ZNF318: variants seen among roughly 807,000 people sequenced by gnomAD.
ZNF318 encodes the protein zinc finger protein 318, also known as endocrine regulator.
In ZNF318, 51 loss-of-function variants were observed where a neutral mutation model predicts 124.2. The observed-to-expected ratio is 0.41, with a 90% CI of 0.33 to 0.52. The LOEUF (loss-of-function observed/expected upper bound fraction) is 0.52, where lower values mean the gene tolerates loss of function less well. ZNF318 is among the 20% of genes least tolerant of loss of function. ZNF318 has a pLI of 0.23. For synonymous variants in ZNF318, 1,090 were observed against 1,040.7 expected, an observed-to-expected ratio of 1.05 and a Z score of -0.91; for missense variants, 2,815 against 2,811.2, an observed-to-expected ratio of 1.00 and a Z score of -0.03.
Position 43,355,991 on chromosome 6 carries a change from C to T in ZNF318, c.1343G>A (p.Gly448Asp), listed in dbSNP as rs1302607441. The T allele has an allele frequency of 6.2e-7, 1 of 1,614,044 alleles. No individual in the cohort carries two copies. Among genetic ancestry groups the T allele is most frequent in the Non-Finnish European group, 8.5e-7 (1 of 1,180,034 alleles). The change falls in exon 4 of 10, where the codon GGC becomes GAC. Residue 448 changes from glycine to aspartate, a missense_variant. Coordinates refer to ENST00000361428, the MANE Select transcript of ZNF318 (RefSeq NM_014345.3). ...AAGGGGACCCCATTGGTAGAGGTTGCCCTGAGGTTCCTTCAAGGCAGTCTC... is the reference window on the plus strand; with the variant it reads ...AAGGGGACCCCATTGGTAGAGGTTGTCCTGAGGTTCCTTCAAGGCAGTCTC... ...MVETALKEPQ[G>D]NLYQWGPLPG...
rs747829748 is a variant in ZNF318 at position 43,337,798 on chromosome 6, G to T, written c.6200C>A (p.Ser2067Tyr). ...SDPADFEPIP[S>Y]FSGFPLDSPK... The stretch of plus-strand genomic sequence containing the variant: ...AGAATCTAACGGAAACCCAGAAAAA[G>T]ATGGGATTGGTTCGAAGTCAGCGGG... Residue 2067 changes from serine (S) to tyrosine (Y), a missense_variant, in exon 10 of 10, where the codon TCT (serine) becomes TAT (tyrosine). By Grantham distance (144) the Ser-to-Tyr change is moderately radical. This residue lies in a region of ZNF318 where 927 missense variants were observed against 820.6 expected (regional missense o/e 1.13). Coordinates refer to ENST00000361428, the MANE Select transcript of ZNF318 (RefSeq NM_014345.3). 1.2e-6 allele frequency: 2 copies of T among 1,614,216 alleles called. No homozygotes were observed. Among genetic ancestry groups the T allele is most frequent in the Non-Finnish European group, 1.7e-6 (2 of 1,180,040 alleles).
At chr6:43,342,953 G>T (rs928482072) in intron 6 of ZNF318, 74 bp from the exon 7 acceptor site, 46 of 1,273,274 alleles carry the variant, frequency 3.6e-5, no homozygotes, top group Admixed American at 1.2e-4. Flanking sequence ...AATAGTAAGT[G>T]GCCATAATAA....
chr6:43,338,094 G>A lies in ZNF318; in HGVS notation c.5904C>T (p.Thr1968=). 6.2e-7 allele frequency: 1 copy of A among 1,613,996 alleles called. No individual in the cohort carries two copies. Among genetic ancestry groups the A allele is most frequent in the South Asian group, 1.1e-5 (1 of 91,064 alleles). The change falls in exon 10 of 10, where the codon ACC becomes ACT. Residue 1968 remains threonine, a synonymous_variant. Transcript: ENST00000361428. ...VWDENKKRPE[T]WESPEKPKTE... ...TTTTTGGTTTCTCTGGGCTCTCCCA[G>A]GTCTCTGGCCTCTTCTTGTTTTCAT...
chr6:43,366,599 C>A (rs1334135632), intron 1 of ZNF318, among the ~76,000 whole-genome samples: 3 of 152,082 alleles, frequency 2.0e-5, no homozygotes, highest in East Asian at 3.9e-4. Flanking sequence ...GAGTTTGAGA[C>A]CAGCCTGGGC....
In ZNF318 at chr6:43,337,839, C is replaced by A. The variant is rs374004520; in HGVS notation, c.6159G>T (p.Gly2053=). 1 of 1,614,196 alleles carries A rather than the reference C, an allele frequency of 6.2e-7. No homozygotes were observed. Among genetic ancestry groups the A allele is most frequent in the Non-Finnish European group, 8.5e-7 (1 of 1,180,034 alleles). ...VCEENSVSPI[G]CNSSDPADFE... ...AGTCAGCGGGATCGGAGGAATTACA[C>A]CCTATAGGTGATACAGAATTTTCTT... The change falls in exon 10 of 10, where the codon GGG becomes GGT. Residue 2053 remains glycine (G), a synonymous_variant. Transcript: ENST00000361428.
In ZNF318 at chr6:43,364,120, C is replaced by T. The variant is rs1347305918; in HGVS notation, c.548+1172G>A. On this transcript the variant is annotated intron_variant, in intron 2 of 9. Transcript: ENST00000361428. Reference sequence around the variant, plus strand: ...GCTGCACTGCCACCCTGGGCAACTTCGCCAAGGCCACCTTTGATGCCATCT... The same window carrying T: ...GCTGCACTGCCACCCTGGGCAACTTTGCCAAGGCCACCTTTGATGCCATCT... 11 of 1,091,354 alleles carry T rather than the reference C, an allele frequency of 1.0e-5. No individual in the cohort carries two copies. In the Admixed American group the frequency reaches 1.1e-4, roughly 11 times the overall value. The allele number at this position is 1,091,354 out of a possible 1,614,324, so 67.6% of individuals were successfully genotyped here.
chr6:43,345,480 A>C (rs1779427365), intron 6 of ZNF318, among the ~76,000 whole-genome samples: 1 of 152,224 alleles, frequency 6.6e-6, no homozygotes, highest in South Asian at 2.1e-4. Context: ...CGTTAGTTTC[A>C]GAGACCATGA....
At chr6:43,358,500 G>C (rs144820568) in intron 2 of ZNF318, among the ~76,000 whole-genome samples, 57 of 147,714 alleles carry the variant, frequency 3.9e-4, no homozygotes, top group African/African-American at 1.2e-3. Flanking sequence ...CTGACCTAGT[G>C]ATCAGCCCGC....
Position 43,369,088 on chromosome 6 carries a change from G to A in ZNF318, c.278C>T (p.Pro93Leu), listed in dbSNP as rs1308613915. Residue 93 changes from proline (P) to leucine (L), a missense_variant, in exon 1 of 10, where the codon CCG becomes CTG. Around this residue, in one of 4 missense-constraint regions of ZNF318, gnomAD observed 1,377 missense variants for 1,353.5 expected, o/e 1.02. Transcript: ENST00000361428. ...CGGCGGGAAGAGTCGTCGGCCCCGC[G>A]GTGGCGACGGGGAGCCGCGACGGGC... ...PRARRGSPSP[P>L]RGRRLFPPGP... The A allele has an allele frequency of 7.9e-7, 1 of 1,267,820 alleles. No individual in the cohort carries two copies. The highest frequency in any genetic ancestry group is 1.5e-5 in the African/African-American group (1 of 64,774). 78.5% of individuals were successfully genotyped at this position (1,267,820 alleles called of 1,614,324 possible).
intron 6 of ZNF318, among the ~76,000 whole-genome samples, chr6:43,347,851 G>A (rs1464390629): frequency 1.3e-5 from 2 of 152,172 alleles, no homozygotes; most frequent in African/African-American, 4.8e-5. Flanking sequence ...CTAAGCAGGA[G>A]CATCCAATGT....
At chr6:43,340,720 G>A (rs1779363709) in intron 9 of ZNF318, 70 bp downstream of exon 9, 12 of 1,530,270 alleles carry the variant, frequency 7.8e-6, no homozygotes, top group Non-Finnish European at 1.1e-5. Context: ...TGGCTCGGAC[G>A]CCATTTGACA....
chr6:43,338,837 G>C lies in ZNF318; in HGVS notation c.5161C>G (p.Leu1721Val). The change falls in exon 10 of 10, where the codon CTG (leucine) becomes GTG (valine). Residue 1721 changes from leucine (L) to valine (V), a missense_variant. Physicochemically the swap from Leu to Val is conservative, Grantham distance 32. Around this residue, in one of 4 missense-constraint regions of ZNF318, gnomAD observed 927 missense variants for 820.6 expected, o/e 1.13. Transcript: ENST00000361428. The stretch of plus-strand genomic sequence containing the variant: ...ACACCAGGTGGTCCTGGCTCTCCCA[G>C]GTCAAGCTCACTCTTCTCTGGAGAT... ...DISPEKSELD[L>V]GEPGPPGVEP... The C allele has an allele frequency of 4.3e-6, 7 of 1,614,138 alleles. No individual in the cohort carries two copies. The highest frequency in any genetic ancestry group is 5.9e-6 in the Non-Finnish European group (7 of 1,180,030).
At position 43,369,297 on chromosome 6, in the gene ZNF318, C is replaced by T. The variant is rs1779805547; in HGVS notation, c.69G>A (p.Pro23=). 1.5e-6 allele frequency: 2 copies of T among 1,340,676 alleles called. No individual in the cohort carries two copies. The highest frequency in any genetic ancestry group is 1.9e-6 in the Non-Finnish European group (2 of 1,039,342). 83.0% of individuals were successfully genotyped at this position (1,340,676 alleles called of 1,614,324 possible). The part of the protein sequence containing the change: ...HRPKDDGGGG[P]RSGRSSGSSS... ...AGGAGCCAGAGCTGCGGCCGCTGCG[C>T]GGGCCGCCCCCGCCGTCGTCTTTAG... Residue 23 remains proline (P), a synonymous_variant, in exon 1 of 10, where the codon CCG becomes CCA. Coordinates refer to ENST00000361428, the MANE Select transcript of ZNF318 (RefSeq NM_014345.3).
rs1011678103 is a variant in ZNF318, at chr6:43,355,825, A to G, written c.1509T>C (p.Asp503=). ...TCAGAATGCGGGAAAAACCACTGCCATCCTGGCTAGCTCTCTCATGGGGCA... is the reference window on the plus strand; with the variant it reads ...TCAGAATGCGGGAAAAACCACTGCCGTCCTGGCTAGCTCTCTCATGGGGCA... ...FLLPHERASQ[D]GSGFSRILSM... is the part of the protein sequence containing the mutation. Residue 503 remains aspartate, a synonymous_variant, in exon 4 of 10, where the codon GAT becomes GAC. Coordinates refer to ENST00000361428, the MANE Select transcript of ZNF318 (RefSeq NM_014345.3). 10 of 1,614,122 alleles carry G rather than the reference A, an allele frequency of 6.2e-6. No individual in the cohort carries two copies. The Admixed American group carries it at 6.7e-5, about 11-fold the overall frequency.
intron 2 of ZNF318, among the ~76,000 whole-genome samples, chr6:43,360,052 G>T (rs1779660395): frequency 6.6e-6 from 1 of 152,132 alleles, no homozygotes; most frequent in Non-Finnish European, 1.5e-5. Context: ...GACCATATTA[G>T]TATAGGGAGA....
chr6:43,359,449 A>ATTT (rs1779652766), intron 2 of ZNF318, among the ~76,000 whole-genome samples: 1 of 152,240 alleles, frequency 6.6e-6, no homozygotes, highest in South Asian at 2.1e-4. Context: ...AGATAGAAAT[A>ATTT]AAGATCCTCT....
At chr6:43,348,224 G>GT (rs1243975225) in intron 6 of ZNF318, 100 bp downstream of exon 6, 4 of 1,179,434 alleles carry the variant, frequency 3.4e-6, no homozygotes, top group African/African-American at 3.1e-5. Flanking sequence ...ATTAACAAGA[G>GT]TAAGAACAGT....
rs1779792743 is a variant in ZNF318 at position 43,368,645 on chromosome 6, A to T, written c.399+322T>A. ...ACCCCGAGGACACATCAACTCTACA[A>T]AAAGTACCAAGACACACGGTTTGGA... On this transcript the variant is annotated intron_variant, in intron 1 of 9. Coordinates refer to ENST00000361428, the MANE Select transcript of ZNF318 (RefSeq NM_014345.3). The T allele has an allele frequency of 4.1e-6, 4 of 984,856 alleles. No individual in the cohort carries two copies. The South Asian group carries it at 1.9e-4, about 46-fold the overall frequency. 61.0% of individuals were successfully genotyped at this position (984,856 alleles called of 1,614,324 possible).
At position 43,365,267 on chromosome 6, in the gene ZNF318, A is replaced by C. The variant is rs745690506; in HGVS notation, c.548+25T>G. 10 of 1,608,460 alleles carry C rather than the reference A, an allele frequency of 6.2e-6. 1 individual carries two copies. Among genetic ancestry groups the C allele is most frequent in the South Asian group, 2.2e-5 (2 of 90,728 alleles). On this transcript the variant is annotated intron_variant, in intron 2 of 9. Coordinates refer to ENST00000361428, the MANE Select transcript of ZNF318 (RefSeq NM_014345.3). ...TTCTGCCTTCAAGTACTAGTATAGTAGGCCCTGCCTTAGGTGATGCCTACC... is the reference window on the plus strand; with the variant it reads ...TTCTGCCTTCAAGTACTAGTATAGTCGGCCCTGCCTTAGGTGATGCCTACC...
Sources: gnomAD v4.1 joint callset for allele counts (sites outside exome capture counted in the v4.1 genomes callset) on GRCh38, gnomAD v4.1.1 for gene constraint, gnomAD v4.1.1 regional missense constraint, MANE v1.5 for transcripts, NCBI Gene and HGNC (gene_info 2026-07-23, HGNC 2026-07-21) for gene names.